EMID1: variants seen among roughly 807,000 people sequenced by gnomAD.
The protein encoded by EMID1 is EMI domain-containing protein 1.
EMID1 carries 40 observed loss-of-function variants against 60.6 expected under a neutral mutation model. That is an observed-to-expected ratio of 0.66 (90% CI 0.51 to 0.86). EMID1 has a LOEUF of 0.86. Among genes scored for constraint, EMID1 ranks in the 40% least tolerant of loss-of-function variants. The probability of loss-of-function intolerance (pLI) is 0.00; values close to 1 mark genes in which losing one functional copy is unlikely to be tolerated. For synonymous variants in EMID1, 242 were observed against 231.0 expected (o/e 1.05, Z -0.43); for missense variants, 585 against 597.1 (o/e 0.98, Z 0.21).
intron 1 of EMID1, among the ~76,000 whole-genome samples, chr22:29,206,861 T>G (rs997440407): frequency 1.3e-5 from 2 of 152,216 alleles, no homozygotes; most frequent in Non-Finnish European, 2.9e-5. Context: ...CCCTAGGGAA[T>G]TGGCATCATC....
At chr22:29,246,383 T>A (rs1046130547) in intron 13 of EMID1, among the ~76,000 whole-genome samples, 3 of 152,108 alleles carry the variant, frequency 2.0e-5, no homozygotes, top group African/African-American at 7.2e-5. Context: ...AAAGAATCCC[T>A]CTGATTGCCA....
intron 1 of EMID1, among the ~76,000 whole-genome samples, chr22:29,210,129 G>A (rs2039824766): frequency 6.6e-6 from 1 of 152,112 alleles, no homozygotes; most frequent in Non-Finnish European, 1.5e-5. Context: ...AACTCCACAT[G>A]GCATGAGTGT....
chr22:29,214,563 G>T (rs1486945014), intron 1 of EMID1, among the ~76,000 whole-genome samples: 1 of 152,210 alleles, frequency 6.6e-6, no homozygotes, highest in Non-Finnish European at 1.5e-5. Context: ...CACTGTAGTT[G>T]TCCAGGCAAG....
chr22:29,253,450 T>TGG lies in EMID1; in HGVS notation c.1120-752_1120-751insGG. Among the ~76,000 whole-genome samples the TGG allele has an allele frequency of 2.6e-5, 4 of 152,054 alleles. No individual in the cohort carries two copies. The South Asian group carries it at 8.3e-4, about 32-fold the overall frequency. ...ATACAAAGTTAGCTGGGTGTGGTGG[T>TGG]GCATGCCTGTAATCCCAGCTACTTG... On this transcript the variant is annotated intron_variant, in intron 13 of 14. Transcript: ENST00000334018.
intron 12 of EMID1, among the ~76,000 whole-genome samples, chr22:29,240,841 T>A (rs6006073): frequency 6.6e-6 from 1 of 152,098 alleles, no homozygotes; most frequent in Admixed American, 6.5e-5. Context: ...TCTCTCAAAC[T>A]GTCTTTTCTC....
chr22:29,233,855 C>G, intron 10 of EMID1, 189 bp downstream of exon 10: 2 of 692,090 alleles, frequency 2.9e-6, no homozygotes, highest in Non-Finnish European at 4.8e-6. Flanking sequence ...AAATCTTATT[C>G]AATCCAAGTA....
At chr22:29,247,107 T>C (rs1454083276) in intron 13 of EMID1, among the ~76,000 whole-genome samples, 3 of 152,056 alleles carry the variant, frequency 2.0e-5, no homozygotes, top group Admixed American at 2.0e-4. Flanking sequence ...GCCACCTAAG[T>C]AGCTGGGACT....
At chr22:29,234,224 G>C in intron 11 of EMID1, 25 bp downstream of exon 11, 1 of 1,608,758 alleles carries the variant, frequency 6.2e-7, no homozygotes, top group Non-Finnish European at 8.5e-7. Context: ...GGCCCCAGGT[G>C]GGGGAATTCT....
At chr22:29,233,196 C>A in intron 8 of EMID1, 183 bp from the exon 9 acceptor site, 1 of 660,582 alleles carries the variant, frequency 1.5e-6, no homozygotes, top group South Asian at 1.8e-5. Context: ...ATCTCCCTGC[C>A]TCCTGGTCTT....
At chr22:29,207,551 C>T (rs1231256959) in intron 1 of EMID1, among the ~76,000 whole-genome samples, 2 of 152,172 alleles carry the variant, frequency 1.3e-5, no homozygotes, top group Non-Finnish European at 2.9e-5. Flanking sequence ...AGGCCCAGAC[C>T]GCCCTGCAGC....
Position 29,259,071 on chromosome 22 carries a change from C to A in EMID1, c.*127C>A. On this transcript the variant is annotated 3_prime_UTR_variant, in exon 15 of 15. Transcript: ENST00000334018. ...TCAGGGTCCCTTCTGCCATCTAGGCCTTAGGGGTAAGCAGGTCTCAGTCCT... is the reference window on the plus strand; with the variant it reads ...TCAGGGTCCCTTCTGCCATCTAGGCATTAGGGGTAAGCAGGTCTCAGTCCT... 1 of 1,414,766 alleles carries A rather than the reference C, an allele frequency of 7.1e-7. No individual in the cohort carries two copies. The highest frequency in any genetic ancestry group is 9.5e-7 in the Non-Finnish European group (1 of 1,054,616). The allele number at this position is 1,414,766 out of a possible 1,614,324, so 87.6% of individuals were successfully genotyped here.
At chr22:29,252,238 T>C (rs2041554287) in intron 13 of EMID1, among the ~76,000 whole-genome samples, 1 of 152,218 alleles carries the variant, frequency 6.6e-6, no homozygotes, top group Admixed American at 6.5e-5. Flanking sequence ...ACCCGATCCA[T>C]GTGATGTGGA....
At chr22:29,215,198 C>G (rs2040039856) in intron 2 of EMID1, 159 bp downstream of exon 2, 2 of 985,446 alleles carry the variant, frequency 2.0e-6, no homozygotes, top group South Asian at 9.4e-5. Flanking sequence ...AGCCTATCCC[C>G]TGTGCTGTTG....
At chr22:29,250,253 CTCAA>C (rs1177290226) in intron 13 of EMID1, among the ~76,000 whole-genome samples, 1 of 152,182 alleles carries the variant, frequency 6.6e-6, no homozygotes, top group Non-Finnish European at 1.5e-5. Flanking sequence ...AAGACCTTGT[CTCAA>C]TCAATCAATC....
At chr22:29,221,095 G>A (rs2040277008) in intron 3 of EMID1, among the ~76,000 whole-genome samples, 1 of 149,416 alleles carries the variant, frequency 6.7e-6, no homozygotes, top group African/African-American at 2.5e-5. Context: ...GTGTGTGTGT[G>A]TGTGTGTGTG....
intron 1 of EMID1, among the ~76,000 whole-genome samples, chr22:29,207,808 A>G (rs1283513618): frequency 6.6e-6 from 1 of 152,198 alleles, no homozygotes; most frequent in Non-Finnish European, 1.5e-5. Context: ...AGACCAGTCG[A>G]TTTCCAAATC....
At chr22:29,221,606 C>A (rs1195132143) in intron 3 of EMID1, among the ~76,000 whole-genome samples, 1 of 152,164 alleles carries the variant, frequency 6.6e-6, no homozygotes, top group East Asian at 1.9e-4. Flanking sequence ...GATCTCCTGA[C>A]CTCATGATCT....
intron 12 of EMID1, among the ~76,000 whole-genome samples, chr22:29,238,379 C>T (rs2041037324): frequency 1.4e-5 from 2 of 139,930 alleles, no homozygotes; most frequent in Non-Finnish European, 3.0e-5. Flanking sequence ...CTCCACCTCT[C>T]GAGTAGCTGG....
intron 6 of EMID1, chr22:29,231,379 G>A: frequency 2.5e-6 from 2 of 812,660 alleles, no homozygotes; most frequent in South Asian, 1.6e-5. Flanking sequence ...GGGGGGAGCT[G>A]GGAGTGGGGA....
Sources: gnomAD v4.1 joint callset for allele counts (sites outside exome capture counted in the v4.1 genomes callset) on GRCh38, gnomAD v4.1.1 for gene constraint, MANE v1.5 for transcripts, NCBI Gene and HGNC (gene_info 2026-07-23, HGNC 2026-07-21) for gene names.